ADAMTS12: variants seen among roughly 807,000 people sequenced by gnomAD.
The protein encoded by ADAMTS12 is ADAM metallopeptidase with thrombospondin type 1 motif 12.
ADAMTS12 carries 118 observed loss-of-function variants against 167.8 expected under a neutral mutation model. That is an observed-to-expected ratio of 0.70 (90% CI 0.61 to 0.82). The LOEUF is 0.82. Among genes scored for constraint, ADAMTS12 ranks in the 40% least tolerant of loss-of-function variants. The pLI, the probability that ADAMTS12 is intolerant of heterozygous loss-of-function variation, is 0.00. For missense variants in ADAMTS12, 1,916 were observed against 1,998.8 expected, an observed-to-expected ratio of 0.96 and a Z score of 0.79; for synonymous variants, 704 against 716.9, an observed-to-expected ratio of 0.98 and a Z score of 0.29.
At chr5:33,762,433 G>A (rs1402025720) in intron 2 of ADAMTS12, among the ~76,000 whole-genome samples, 4 of 151,868 alleles carry the variant, frequency 2.6e-5, no homozygotes, top group Admixed American at 6.6e-5. Flanking sequence ...GTGTGAACCC[G>A]GGAGGCGGGG....
intron 2 of ADAMTS12, among the ~76,000 whole-genome samples, chr5:33,837,667 G>A (rs1748585228): frequency 6.6e-6 from 1 of 152,192 alleles, no homozygotes; most frequent in Non-Finnish European, 1.5e-5. Context: ...TGAAGTGCAT[G>A]ATGATTTTGT....
intron 5 of ADAMTS12, among the ~76,000 whole-genome samples, chr5:33,678,893 T>C: frequency 6.6e-6 from 1 of 152,154 alleles, no homozygotes; most frequent in East Asian, 1.9e-4. Context: ...GAGATAACTG[T>C]AGCTTGAATT....
chr5:33,660,877 G>T (rs369405548), intron 6 of ADAMTS12, among the ~76,000 whole-genome samples: 1 of 152,188 alleles, frequency 6.6e-6, no homozygotes, highest in African/African-American at 2.4e-5. Flanking sequence ...TCAAAAGAGT[G>T]ATTCTGATGA....
At chr5:33,746,559 A>G (rs142137250) in intron 3 of ADAMTS12, among the ~76,000 whole-genome samples, 121 of 152,370 alleles carry the variant, frequency 7.9e-4, no homozygotes, top group African/African-American at 2.9e-3. Flanking sequence ...CCCTAACAAT[A>G]GTAAAACATG....
chr5:33,598,125 G>A (rs1738001284), intron 16 of ADAMTS12, among the ~76,000 whole-genome samples: 1 of 152,102 alleles, frequency 6.6e-6, no homozygotes, highest in Admixed American at 6.5e-5. Context: ...AAGGGCAAAA[G>A]GAAAAGGGAT....
chr5:33,771,432 A>T (rs1408423343), intron 2 of ADAMTS12, among the ~76,000 whole-genome samples: 1 of 151,286 alleles, frequency 6.6e-6, no homozygotes, highest in Non-Finnish European at 1.5e-5. Flanking sequence ...TTGATGATCA[A>T]GTGAAACATT....
intron 2 of ADAMTS12, among the ~76,000 whole-genome samples, chr5:33,813,209 C>T: frequency 6.6e-6 from 1 of 152,172 alleles, no homozygotes; most frequent in Non-Finnish European, 1.5e-5. Flanking sequence ...TGCTCTGCAT[C>T]CTCCCCAATA....
At chr5:33,684,933 T>A (rs764327105) in intron 3 of ADAMTS12, among the ~76,000 whole-genome samples, 5 of 152,194 alleles carry the variant, frequency 3.3e-5, no homozygotes, top group Admixed American at 6.5e-5. Context: ...AAAAGGCTAC[T>A]TCGCACATCA....
intron 18 of ADAMTS12, among the ~76,000 whole-genome samples, chr5:33,583,617 C>T (rs925477992): frequency 3.9e-5 from 6 of 152,170 alleles, no homozygotes; most frequent in Non-Finnish European, 8.8e-5. Context: ...CAACAGTGTA[C>T]GAGGGTTCCC....
At chr5:33,555,369 C>G (rs376665830) in intron 20 of ADAMTS12, among the ~76,000 whole-genome samples, 1 of 152,110 alleles carries the variant, frequency 6.6e-6, no homozygotes, top group Non-Finnish European at 1.5e-5. Flanking sequence ...CTCAGCCTCC[C>G]GAGTAGCTGG....
Position 33,630,769 on chromosome 5 carries a change from A to G in ADAMTS12, c.2022+11T>C. 1.2e-6 allele frequency: 2 copies of G among 1,603,574 alleles called. No homozygotes were observed. The highest frequency in any genetic ancestry group is 8.5e-7 in the Non-Finnish European group (1 of 1,171,852). On this transcript the variant is annotated intron_variant, in intron 13 of 23. Transcript: ENST00000504830. Reference sequence around the variant, plus strand: ...TTATAAAGTTGTAGATTAAGGAAACATACCCAATACCTTACATATGCCATT... The same window carrying G: ...TTATAAAGTTGTAGATTAAGGAAACGTACCCAATACCTTACATATGCCATT...
chr5:33,539,768 AT>A (rs1053875160), intron 22 of ADAMTS12, among the ~76,000 whole-genome samples: 1 of 152,106 alleles, frequency 6.6e-6, no homozygotes, highest in African/African-American at 2.4e-5. Context: ...TTTTATTTTT[AT>A]TTTTTTGCTT....
chr5:33,729,406 TC>T (rs1744097550), intron 3 of ADAMTS12, among the ~76,000 whole-genome samples: 1 of 152,236 alleles, frequency 6.6e-6, no homozygotes, highest in South Asian at 2.1e-4. Flanking sequence ...GTTGGCTGCA[TC>T]TTATTGGTTG....
chr5:33,652,327 T>C (rs140720913), intron 7 of ADAMTS12, among the ~76,000 whole-genome samples: 1 of 152,108 alleles, frequency 6.6e-6, no homozygotes, highest in Non-Finnish European at 1.5e-5. Context: ...CTCATTCTGA[T>C]TGGTGTGAGA....
chr5:33,812,532 C>T (rs943815353), intron 2 of ADAMTS12, among the ~76,000 whole-genome samples: 2 of 152,216 alleles, frequency 1.3e-5, no homozygotes, highest in East Asian at 3.9e-4. Flanking sequence ...TGGTCATCAC[C>T]TATCCCAAAG....
Position 33,576,936 on chromosome 5 carries a change from T to C in ADAMTS12, c.3090A>G (p.Arg1030=), listed in dbSNP as rs756708130. ...KPVPPPTSRP[R]MLTTPTGPES... The stretch of plus-strand genomic sequence containing the variant: ...CAGGCCCTGTGGGTGTGGTCAGCAT[T>C]CTGGGCCTGGATGTAGGTGGAGGGA... Residue 1030 remains arginine, a synonymous_variant, in exon 19 of 24, where the codon AGA becomes AGG. Coordinates refer to ENST00000504830, the MANE Select transcript of ADAMTS12 (RefSeq NM_030955.4). 6.2e-7 allele frequency: 1 copy of C among 1,614,184 alleles called. No homozygotes were observed. Among genetic ancestry groups the C allele is most frequent in the Admixed American group, 1.7e-5 (1 of 60,016 alleles).
chr5:33,603,459 T>C (rs1436753805), intron 16 of ADAMTS12: 12 of 152,220 alleles, frequency 7.9e-5, no homozygotes, highest in Non-Finnish European at 1.6e-4. Context: ...TAATGCATGG[T>C]AATTCTTTTC....
intron 2 of ADAMTS12, among the ~76,000 whole-genome samples, chr5:33,863,651 T>C (rs1301080873): frequency 6.6e-6 from 1 of 152,212 alleles, no homozygotes; most frequent in Admixed American, 6.5e-5. Context: ...ATAGATTCAA[T>C]GCTATCCCCA....
chr5:33,669,660 A>C lies in ADAMTS12; in HGVS notation c.916-7620T>G, dbSNP rs140536674. Among the ~76,000 whole-genome samples the C allele has an allele frequency of 6.4e-4, 98 of 152,272 alleles. No individual in the cohort carries two copies. The Middle Eastern group carries it at 0.01, about 16-fold the overall frequency. ...AAGGCCAGAAGGTGTAGTATTAAAA[A>C]AAAGGCAAAAGTCTTAGATTAAGAA... On this transcript the variant is annotated intron_variant, in intron 5 of 23. Transcript: ENST00000504830.
Sources: gnomAD v4.1 joint callset for allele counts (sites outside exome capture counted in the v4.1 genomes callset) on GRCh38, gnomAD v4.1.1 for gene constraint, MANE v1.5 for transcripts, NCBI Gene and HGNC (gene_info 2026-07-23, HGNC 2026-07-21) for gene names.